FRMPD4: variants seen among roughly 807,000 people sequenced by gnomAD.
The protein encoded by FRMPD4 is FERM and PDZ domain containing 4.
In FRMPD4, 22 loss-of-function variants were observed where a neutral mutation model predicts 94.1. The observed-to-expected ratio is 0.23, with a 90% CI of 0.17 to 0.33. The LOEUF (loss-of-function observed/expected upper bound fraction) is 0.33. Ranked by LOEUF, FRMPD4 falls within the 10% of genes least tolerant of loss-of-function variation. FRMPD4 has a pLI of 1.00. For missense variants in FRMPD4, 1,111 were observed against 1,339.9 expected (o/e 0.83, Z 2.67); for synonymous variants, 631 against 548.6 (o/e 1.15, Z -2.10).
intron 4 of FRMPD4, among the ~76,000 whole-genome samples, chrX:12,624,658 A>G (rs1317730617): frequency 8.9e-6 from 1 of 112,184 alleles, no homozygotes; most frequent in East Asian, 2.8e-4. Flanking sequence ...AATAATAGTC[A>G]AACAATAGTT....
chrX:12,350,969 A>T (rs778639510), intron 1 of FRMPD4, among the ~76,000 whole-genome samples: 8 of 111,778 alleles, frequency 7.2e-5, no homozygotes, highest in African/African-American at 1.9e-4. Context: ...AGGTCAGGAA[A>T]TCGAGACCAT....
intron 1 of FRMPD4, among the ~76,000 whole-genome samples, chrX:12,203,756 A>G (rs144006947): frequency 3.6e-5 from 4 of 111,972 alleles, no homozygotes; most frequent in East Asian, 5.6e-4. Flanking sequence ...TGGACCAACA[A>G]TACCTTCAAA....
At chrX:12,331,671 T>C (rs1436750831) in intron 1 of FRMPD4, among the ~76,000 whole-genome samples, 1 of 74,232 alleles carries the variant, frequency 1.3e-5, no homozygotes, top group Admixed American at 2.1e-4. Flanking sequence ...TATATAAATA[T>C]ATAAATTATA....
intron 1 of FRMPD4, among the ~76,000 whole-genome samples, chrX:12,239,258 CAA>C (rs1306431052): frequency 8.9e-6 from 1 of 111,973 alleles, no homozygotes; most frequent in African/African-American, 3.2e-5. Flanking sequence ...TGGGGGAAAA[CAA>C]GAGAAGAATA....
At chrX:12,242,286 A>G (rs1219144065) in intron 1 of FRMPD4, among the ~76,000 whole-genome samples, 1 of 111,666 alleles carries the variant, frequency 9.0e-6, no homozygotes, top group Non-Finnish European at 1.9e-5. Flanking sequence ...ATTAATGGTC[A>G]TCTCTGTTCA....
At chrX:11,902,868 G>A (rs1223176268) in intron 3 of FRMPD4, among the ~76,000 whole-genome samples, 1 of 111,986 alleles carries the variant, frequency 8.9e-6, no homozygotes, top group Non-Finnish European at 1.9e-5. Flanking sequence ...GACTTGTTGG[G>A]AACTTATTGC....
At chrX:12,366,103 C>CT (rs1218848383) in intron 1 of FRMPD4, among the ~76,000 whole-genome samples, 7 of 112,023 alleles carry the variant, frequency 6.2e-5, no homozygotes, top group African/African-American at 2.3e-4. Flanking sequence ...CTGAGTTGGC[C>CT]TTGGGGTTCA....
At chrX:11,869,691 C>G (rs773400819) in intron 2 of FRMPD4, among the ~76,000 whole-genome samples, 1 of 110,998 alleles carries the variant, frequency 9.0e-6, no homozygotes, top group East Asian at 2.8e-4. Context: ...CATTTTTGAG[C>G]CAGATAAGAA....
At chrX:11,842,825 C>A (rs2053546243) in intron 1 of FRMPD4, among the ~76,000 whole-genome samples, 1 of 103,710 alleles carries the variant, frequency 9.6e-6, no homozygotes, top group African/African-American at 3.6e-5. Context: ...CTGTCTTGTG[C>A]CAGTTTTCAT....
chrX:12,054,623 A>C (rs2054843024), intron 3 of FRMPD4, among the ~76,000 whole-genome samples: 1 of 111,534 alleles, frequency 9.0e-6, no homozygotes, highest in Non-Finnish European at 1.9e-5. Context: ...TAGGGCATTA[A>C]TCTTTGTCTG....
intron 1 of FRMPD4, among the ~76,000 whole-genome samples, chrX:12,222,823 T>C (rs781741099): frequency 8.9e-6 from 1 of 112,545 alleles, no homozygotes; most frequent in East Asian, 2.8e-4. Flanking sequence ...CTCAGTAGTT[T>C]ATTCCTTTTT....
At chrX:11,825,288 C>T (rs368303990) in intron 1 of FRMPD4, among the ~76,000 whole-genome samples, 4 of 103,577 alleles carry the variant, frequency 3.9e-5, no homozygotes, top group African/African-American at 1.4e-4. Flanking sequence ...AAATAGTGAA[C>T]GGCTTGTGTG....
At chrX:12,642,272 A>G (rs974853019) in intron 4 of FRMPD4, among the ~76,000 whole-genome samples, 2 of 111,776 alleles carry the variant, frequency 1.8e-5, no homozygotes, top group Admixed American at 9.5e-5. Context: ...AAAGAACAGG[A>G]CACTGTAAAG....
chrX:12,605,857 T>C (rs2148412639), intron 2 of FRMPD4, among the ~76,000 whole-genome samples: 1 of 111,723 alleles, frequency 9.0e-6, no homozygotes, highest in South Asian at 3.8e-4. Context: ...TTCTCCCTAG[T>C]GTTTATAATG....
At chrX:12,454,815 G>A (rs867454665) in intron 1 of FRMPD4, among the ~76,000 whole-genome samples, 5 of 92,514 alleles carry the variant, frequency 5.4e-5, no homozygotes, top group Non-Finnish European at 1.1e-4. Flanking sequence ...AGAAAGCCAC[G>A]TTTTTTTTTT....
chrX:12,266,158 AAAAG>A, intron 1 of FRMPD4, among the ~76,000 whole-genome samples: 2 of 106,964 alleles, frequency 1.9e-5, no homozygotes, highest in African/African-American at 6.8e-5. Context: ...AAAAAAAAAA[AAAAG>A]AGAAAACAAA....
intron 3 of FRMPD4, among the ~76,000 whole-genome samples, chrX:12,610,562 C>T (rs1467831924): frequency 8.9e-6 from 1 of 111,763 alleles, no homozygotes; most frequent in East Asian, 2.8e-4. Flanking sequence ...GCCTGGCCAA[C>T]ATGGCAAAAC....
At chrX:12,366,522 A>G (rs1340231443) in intron 1 of FRMPD4, among the ~76,000 whole-genome samples, 3 of 112,175 alleles carry the variant, frequency 2.7e-5, no homozygotes, top group Non-Finnish European at 3.8e-5. Context: ...TGTCCAGAAT[A>G]GAGATGAAAA....
chrX:12,184,619 A>AT (rs1216672917), intron 1 of FRMPD4, among the ~76,000 whole-genome samples: 6 of 112,449 alleles, frequency 5.3e-5, no homozygotes, highest in African/African-American at 1.9e-4. Flanking sequence ...TGTGGTACAT[A>AT]TACACAGTGG....
Sources: allele counts gnomAD v4.1 joint callset (sites outside exome capture counted in the v4.1 genomes callset), GRCh38; gene constraint gnomAD v4.1.1; transcripts MANE v1.5; gene names NCBI Gene and HGNC (gene_info 2026-07-23, HGNC 2026-07-21).